The following PPM1L variants were observed in gnomAD, a reference collection of about 807,000 sequenced individuals.
PPM1L encodes the protein protein phosphatase 1L.
PPM1L carries 13 observed loss-of-function variants against 31.4 expected under a neutral mutation model. That is an observed-to-expected ratio of 0.41 (90% CI 0.27 to 0.66). The LOEUF is 0.66. Ranked by LOEUF, PPM1L falls within the 30% of genes least tolerant of loss-of-function variation. The pLI is 0.29. For synonymous variants in PPM1L, 184 were observed against 175.4 expected (o/e 1.05, Z -0.39); for missense variants, 326 against 453.7 (o/e 0.72, Z 2.56).
rs140725548 is a variant in PPM1L, at chr3:161,008,071, A to C, written c.574+46161A>C. On this transcript the variant is annotated intron_variant, in intron 2 of 3. Coordinates refer to ENST00000498165, the MANE Select transcript of PPM1L (RefSeq NM_139245.4). ...GAGGCTAGCCATAGAAAGTAGAATT[A>C]CTCTTCCCCAAGGCAGTTCATAGAA... 4.0e-3 allele frequency among the ~76,000 whole-genome samples: 609 copies of C among 152,144 alleles called. 4 individuals carry two copies. Among genetic ancestry groups the C allele is most frequent in the African/African-American group, 0.014 (590 of 41,492 alleles).
chr3:160,984,585 A>G (rs369271516), intron 2 of PPM1L, among the ~76,000 whole-genome samples: 19 of 152,192 alleles, frequency 1.2e-4, no homozygotes, highest in East Asian at 7.7e-4. Context: ...TCACAAGAGT[A>G]TTGATTGGGG....
At chr3:161,009,863 A>G (rs1011381644) in intron 2 of PPM1L, among the ~76,000 whole-genome samples, 5 of 152,212 alleles carry the variant, frequency 3.3e-5, no homozygotes, top group African/African-American at 1.2e-4. Context: ...TTAATTAAGC[A>G]CAGGAAGCAA....
intron 2 of PPM1L, among the ~76,000 whole-genome samples, chr3:160,983,391 T>C (rs1356579520): frequency 6.6e-6 from 1 of 151,844 alleles, no homozygotes; most frequent in African/African-American, 2.4e-5. Flanking sequence ...TGAGCTTGTC[T>C]AAAAATAGTT....
chr3:161,014,862 TG>T (rs1386585132), intron 2 of PPM1L, among the ~76,000 whole-genome samples: 1 of 152,138 alleles, frequency 6.6e-6, no homozygotes, highest in Non-Finnish European at 1.5e-5. Context: ...TATTTGGGGA[TG>T]GGGGGAGTCA....
chr3:160,954,956 C>CTTCCTTCCTTCCTTCCTTCCTTCCT (rs1553749482), intron 1 of PPM1L, among the ~76,000 whole-genome samples: 6 of 77,460 alleles, frequency 7.7e-5, no homozygotes, highest in African/African-American at 3.8e-4. Flanking sequence ...TCCTTCCTTC[C>CTTCCTTCCTTCCTTCCTTCCTTCCT]TTCCTTTCCT....
chr3:160,954,659 C>T (rs541740445), intron 1 of PPM1L, among the ~76,000 whole-genome samples: 10 of 152,226 alleles, frequency 6.6e-5, no homozygotes, highest in East Asian at 3.9e-4. Flanking sequence ...CCACTGTGTC[C>T]GGACTTAATC....
chr3:160,963,660 G>C (rs1716039571), intron 2 of PPM1L, among the ~76,000 whole-genome samples: 1 of 152,022 alleles, frequency 6.6e-6, no homozygotes, highest in Non-Finnish European at 1.5e-5. Context: ...GTGAAGAGAA[G>C]GGGGATGCAT....
rs1712938995 is a variant in PPM1L, at chr3:160,814,718, T to C, written c.399+58011T>C. On this transcript the variant is annotated intron_variant, in intron 1 of 3. Transcript: ENST00000498165. ...ACGTATATGTGTATATATATGTGTATGTATACGTGTATATATGTATATATG... is the reference window on the plus strand; with the variant it reads ...ACGTATATGTGTATATATATGTGTACGTATACGTGTATATATGTATATATG... 4.7e-5 allele frequency among the ~76,000 whole-genome samples: 7 copies of C among 149,470 alleles called. No homozygotes were observed. The South Asian group carries it at 1.5e-3, about 31-fold the overall frequency.
At chr3:160,917,220 A>T (rs1714214884) in intron 1 of PPM1L, among the ~76,000 whole-genome samples, 1 of 152,234 alleles carries the variant, frequency 6.6e-6, no homozygotes, top group Non-Finnish European at 1.5e-5. Flanking sequence ...CAAATTAATT[A>T]GTGGGACAAA....
chr3:161,067,591 C>T (rs1342430013), intron 3 of PPM1L, among the ~76,000 whole-genome samples: 1 of 152,232 alleles, frequency 6.6e-6, no homozygotes. Flanking sequence ...TTTACACATA[C>T]ACTTTCTCTT....
At chr3:161,056,890 C>T (rs1212889376) in intron 2 of PPM1L, among the ~76,000 whole-genome samples, 1 of 151,918 alleles carries the variant, frequency 6.6e-6, no homozygotes, top group Non-Finnish European at 1.5e-5. Flanking sequence ...GGTGAAACCC[C>T]GTCTCTACTA....
At position 161,078,473 on chromosome 3, in the gene PPM1L, TAATA is replaced by T. The variant is rs974334865; in HGVS notation, c.*9324_*9327del. The T allele has an allele frequency of 6.6e-6, 1 of 152,216 alleles. No individual in the cohort carries two copies. Among genetic ancestry groups the T allele is most frequent in the African/African-American group, 2.4e-5 (1 of 41,454 alleles). The allele number at this position is 152,216 out of a possible 1,614,324, so 9.4% of individuals were successfully genotyped here. ...ATTTTAGGAATCTTCAAATTGTACT[TAATA>T]AATAAATCACAGGTCAAAATGACTG... On this transcript the variant is annotated 3_prime_UTR_variant, in exon 4 of 4. Coordinates refer to ENST00000498165, the MANE Select transcript of PPM1L (RefSeq NM_139245.4).
intron 1 of PPM1L, among the ~76,000 whole-genome samples, chr3:160,902,218 G>A (rs11718966): frequency 0.33 from 50,580 of 151,940 alleles, 8,898 homozygotes; most frequent in East Asian, 0.51. Context: ...TTCTACATAT[G>A]AATTTTCAGA....
intron 1 of PPM1L, among the ~76,000 whole-genome samples, chr3:160,867,146 A>G (rs1489275384): frequency 2.6e-5 from 4 of 152,114 alleles, no homozygotes; most frequent in Non-Finnish European, 5.9e-5. Flanking sequence ...TTTATCTTAC[A>G]ACTTTTAAAA....
intron 1 of PPM1L, among the ~76,000 whole-genome samples, chr3:160,858,283 G>T (rs1416504919): frequency 6.6e-6 from 1 of 151,382 alleles, no homozygotes; most frequent in Non-Finnish European, 1.5e-5. Flanking sequence ...TTCTCGCTCT[G>T]TCATCCAGGC....
chr3:160,757,619 T>C (rs1043223127), intron 1 of PPM1L, among the ~76,000 whole-genome samples: 2 of 152,236 alleles, frequency 1.3e-5, no homozygotes, highest in African/African-American at 4.8e-5. Flanking sequence ...CCAGGCAAAG[T>C]GAGAGGCAAA....
chr3:160,889,890 A>G (rs1442854763), intron 1 of PPM1L, among the ~76,000 whole-genome samples: 2 of 152,264 alleles, frequency 1.3e-5, no homozygotes, highest in African/African-American at 4.8e-5. Context: ...GAACAGAACC[A>G]AAGACAGAAC....
At chr3:161,042,292 G>A (rs566486650) in intron 2 of PPM1L, among the ~76,000 whole-genome samples, 1 of 152,336 alleles carries the variant, frequency 6.6e-6, no homozygotes, top group Admixed American at 6.5e-5. Context: ...CAGAATGCCT[G>A]GCATGGCAGA....
At chr3:160,929,973 C>T (rs1312147299) in intron 1 of PPM1L, among the ~76,000 whole-genome samples, 1 of 152,194 alleles carries the variant, frequency 6.6e-6, no homozygotes, top group Non-Finnish European at 1.5e-5. Context: ...CTGAACAGCC[C>T]TTTTGAGGCC....
Sources: gnomAD v4.1 joint callset for allele counts (sites outside exome capture counted in the v4.1 genomes callset) on GRCh38, gnomAD v4.1.1 for gene constraint, MANE v1.5 for transcripts, NCBI Gene and HGNC (gene_info 2026-07-23, HGNC 2026-07-21) for gene names.